Variants in SYNDIG1 observed in about 807,000 individuals in gnomAD.
The protein encoded by SYNDIG1 is synapse differentiation-inducing gene protein 1.
A neutral mutation model predicts 19.4 loss-of-function variants in SYNDIG1; 9 were observed. The ratio of observed to expected loss-of-function variants is 0.46; its 90% CI spans 0.28 to 0.81. The LOEUF is 0.81. Among genes scored for constraint, SYNDIG1 ranks in the 30% least tolerant of loss-of-function variants. SYNDIG1 has a pLI of 0.12. For synonymous variants in SYNDIG1, 141 were observed against 145.9 expected (o/e 0.97, Z 0.24); for missense variants, 311 against 343.3 (o/e 0.91, Z 0.74).
At position 24,541,788 on chromosome 20, in the gene SYNDIG1, A is replaced by G. The variant is rs575632454; in HGVS notation, c.-78-1232A>G. Among the ~76,000 whole-genome samples the G allele has an allele frequency of 7.2e-5, 11 of 152,300 alleles. No homozygotes were observed. In the South Asian group the frequency reaches 2.3e-3, roughly 32 times the overall value. On this transcript the variant is annotated intron_variant, in intron 1 of 3. Coordinates refer to ENST00000376862, the MANE Select transcript of SYNDIG1 (RefSeq NM_024893.3). ...GAGAAAAAAATAAATAAAAAATCCCACAAAAGTTATAAAGGGAATTGGAAG... is the reference window on the plus strand; with the variant it reads ...GAGAAAAAAATAAATAAAAAATCCCGCAAAAGTTATAAAGGGAATTGGAAG...
At chr20:24,551,343 A>T (rs886369135) in intron 2 of SYNDIG1, among the ~76,000 whole-genome samples, 11 of 152,056 alleles carry the variant, frequency 7.2e-5, no homozygotes, top group African/African-American at 2.7e-4. Flanking sequence ...TTACTCTTTC[A>T]TGCCTCATTT....
At chr20:24,571,966 A>T (rs954175409) in intron 2 of SYNDIG1, among the ~76,000 whole-genome samples, 9 of 152,222 alleles carry the variant, frequency 5.9e-5, no homozygotes, top group African/African-American at 2.2e-4. Context: ...AGATCACTGT[A>T]TCCAGAGAAG....
rs192404775 is a variant in SYNDIG1 at position 24,592,876 on chromosome 20, G to C, written c.618+7883G>C. On this transcript the variant is annotated intron_variant, in intron 3 of 3. Transcript: ENST00000376862. ...GATTCTCCTGCTTCAGCCTTCCAAA[G>C]TGCTGGGATTACAGGTGTGAGCCAC... Among the ~76,000 whole-genome samples, 361 of 152,326 alleles carry C rather than the reference G, an allele frequency of 2.4e-3. 2 individuals carry two copies. The highest frequency in any genetic ancestry group is 8.3e-3 in the African/African-American group (346 of 41,576).
intron 3 of SYNDIG1, among the ~76,000 whole-genome samples, chr20:24,603,774 C>A (rs528453787): frequency 1.3e-5 from 2 of 152,316 alleles, no homozygotes; most frequent in South Asian, 2.1e-4. Flanking sequence ...GAAGAATTTT[C>A]TTCACAAGGA....
chr20:24,536,940 G>A lies in SYNDIG1; in HGVS notation c.-78-6080G>A, dbSNP rs555334977. 3.9e-5 allele frequency among the ~76,000 whole-genome samples: 6 copies of A among 152,210 alleles called. No homozygotes were observed. The East Asian group carries it at 1.2e-3, about 29-fold the overall frequency. ...TTCTTACTGCCCAAAAGCACTTTGAGCAGTAGAGGACCACCGCATCTGTCA... is the reference window on the plus strand; with the variant it reads ...TTCTTACTGCCCAAAAGCACTTTGAACAGTAGAGGACCACCGCATCTGTCA... On this transcript the variant is annotated intron_variant, in intron 1 of 3. Transcript: ENST00000376862.
intron 3 of SYNDIG1, among the ~76,000 whole-genome samples, chr20:24,648,106 C>T (rs1312057970): frequency 6.6e-6 from 1 of 152,158 alleles, no homozygotes; most frequent in Non-Finnish European, 1.5e-5. Context: ...CTCCCAATGG[C>T]TCCACCTTCT....
At chr20:24,586,533 C>T (rs1357395654) in intron 3 of SYNDIG1, among the ~76,000 whole-genome samples, 1 of 152,162 alleles carries the variant, frequency 6.6e-6, no homozygotes, top group East Asian at 1.9e-4. Context: ...GCCTGCTGTG[C>T]CACATAAACT....
intron 2 of SYNDIG1, among the ~76,000 whole-genome samples, chr20:24,558,167 A>C (rs59567755): frequency 0.032 from 4,812 of 152,192 alleles, 174 homozygotes; most frequent in African/African-American, 0.09. Flanking sequence ...TACTTTTTGA[A>C]AGGCCTGGGG....
At chr20:24,599,450 G>A (rs1471391127) in intron 3 of SYNDIG1, among the ~76,000 whole-genome samples, 1 of 152,088 alleles carries the variant, frequency 6.6e-6, no homozygotes, top group Non-Finnish European at 1.5e-5. Flanking sequence ...ATTAAAAATA[G>A]AATACCTTTG....
At chr20:24,592,477 A>G (rs146164649) in intron 3 of SYNDIG1, among the ~76,000 whole-genome samples, 12 of 152,332 alleles carry the variant, frequency 7.9e-5, no homozygotes, top group Middle Eastern at 6.8e-3. Flanking sequence ...GGTTCCTCCC[A>G]GAGATCCAAA....
At chr20:24,585,056 G>GGGGCCCCC in intron 3 of SYNDIG1, 63 bp downstream of exon 3, 7 of 545,646 alleles carry the variant, frequency 1.3e-5, no homozygotes, top group African/African-American at 4.0e-5. Flanking sequence ...GGTGGGGGCG[G>GGGGCCCCC]CAATCCCAGC....
At chr20:24,488,904 T>C (rs1333092705) in intron 1 of SYNDIG1, among the ~76,000 whole-genome samples, 1 of 152,198 alleles carries the variant, frequency 6.6e-6, no homozygotes, top group African/African-American at 2.4e-5. Context: ...TCCACAGCTC[T>C]GGAATGGGGC....
At chr20:24,549,528 G>A (rs754135452) in intron 2 of SYNDIG1, among the ~76,000 whole-genome samples, 1 of 152,202 alleles carries the variant, frequency 6.6e-6, no homozygotes, top group Non-Finnish European at 1.5e-5. Flanking sequence ...ACTGGAGCAT[G>A]CAGAAGGGCA....
intron 2 of SYNDIG1, among the ~76,000 whole-genome samples, chr20:24,544,901 C>G (rs2057543454): frequency 6.6e-6 from 1 of 152,134 alleles, no homozygotes; most frequent in South Asian, 2.1e-4. Context: ...TGACTTTCTG[C>G]AGCCATGTGG....
At chr20:24,592,241 G>A (rs187524313) in intron 3 of SYNDIG1, among the ~76,000 whole-genome samples, 6 of 152,318 alleles carry the variant, frequency 3.9e-5, no homozygotes, top group East Asian at 3.9e-4. Flanking sequence ...GGATTTGGGT[G>A]TGAAAACTTG....
At chr20:24,608,921 A>G (rs932388384) in intron 3 of SYNDIG1, among the ~76,000 whole-genome samples, 1 of 152,212 alleles carries the variant, frequency 6.6e-6, no homozygotes, top group Non-Finnish European at 1.5e-5. Context: ...GAGGACAGTA[A>G]TTTTGTGTGT....
intron 1 of SYNDIG1, among the ~76,000 whole-genome samples, chr20:24,476,006 G>T (rs6083529): frequency 6.6e-6 from 1 of 151,638 alleles, no homozygotes; most frequent in African/African-American, 2.4e-5. Flanking sequence ...GACTACAGGC[G>T]CACTCCACCA....
intron 1 of SYNDIG1, among the ~76,000 whole-genome samples, chr20:24,503,964 T>G (rs74909449): frequency 6.7e-6 from 1 of 149,444 alleles, no homozygotes; most frequent in Non-Finnish European, 1.5e-5. Flanking sequence ...AGGTTTTTTT[T>G]TTTTTTTTTT....
chr20:24,481,150 A>G (rs1288419666), intron 1 of SYNDIG1, among the ~76,000 whole-genome samples: 7 of 151,624 alleles, frequency 4.6e-5, no homozygotes, highest in Non-Finnish European at 1.0e-4. Context: ...AAAAAACTAC[A>G]TTAATTGGAA....
Sources: allele counts gnomAD v4.1 joint callset (sites outside exome capture counted in the v4.1 genomes callset), GRCh38; gene constraint gnomAD v4.1.1; transcripts MANE v1.5; gene names NCBI Gene and HGNC (gene_info 2026-07-23, HGNC 2026-07-21).